Variants in XXYLT1 observed in about 807,000 individuals in gnomAD.
XXYLT1 encodes xyloside xylosyltransferase 1.
In XXYLT1, 20 loss-of-function variants were observed where a neutral mutation model predicts 28.9. The ratio of observed to expected loss-of-function variants is 0.69; its 90% CI spans 0.49 to 1.00. The LOEUF (loss-of-function observed/expected upper bound fraction) is 1.00, where lower values mean the gene tolerates loss of function less well. Ranked by LOEUF, XXYLT1 falls within the 50% of genes least tolerant of loss-of-function variation. The probability of loss-of-function intolerance (pLI) is 0.00; values close to 1 mark genes in which losing one functional copy is unlikely to be tolerated. For missense variants in XXYLT1, 542 were observed against 560.1 expected, an observed-to-expected ratio of 0.97 and a Z score of 0.33; for synonymous variants, 257 against 253.8, an observed-to-expected ratio of 1.01 and a Z score of -0.12.
intron 2 of XXYLT1, among the ~76,000 whole-genome samples, chr3:195,174,772 C>T (rs1721578915): frequency 1.3e-5 from 2 of 149,406 alleles, no homozygotes; most frequent in African/African-American, 4.9e-5. Context: ...CTTTCCCTTC[C>T]TCTTCTCCTT....
chr3:195,131,054 G>A lies in XXYLT1; in HGVS notation c.785+25395C>T, dbSNP rs116691979. Among the ~76,000 whole-genome samples the A allele has an allele frequency of 6.1e-3, 923 of 150,794 alleles. 12 individuals are homozygous for A. Among genetic ancestry groups the A allele is most frequent in the African/African-American group, 0.022 (892 of 40,742 alleles). On this transcript the variant is annotated intron_variant, in intron 3 of 3. Transcript: ENST00000310380. The stretch of plus-strand genomic sequence containing the variant: ...AGGTCCCTCCTTCAATGTATCCCTC[G>A]TGCCCTCTACGGCCTATTCTCAGAA...
intron 3 of XXYLT1, among the ~76,000 whole-genome samples, chr3:195,102,145 C>T (rs1035230124): frequency 6.6e-6 from 1 of 151,912 alleles, no homozygotes; most frequent in East Asian, 1.9e-4. Context: ...TGTTTTCCAA[C>T]AGAATAGAAT....
intron 3 of XXYLT1, among the ~76,000 whole-genome samples, chr3:195,110,271 G>GT (rs1398474034): frequency 3.9e-4 from 12 of 31,078 alleles, no homozygotes; most frequent in East Asian, 4.8e-4. Flanking sequence ...GTGGGTGTGT[G>GT]GTGTGTGTGG....
rs1184077786 is a variant in XXYLT1, at chr3:195,069,852, C to T, written c.1045G>A (p.Asp349Asn). ...MEHPKLFHVL[D>N]CTWNRQLCTW... Reference sequence around the variant, plus strand: ...CACAGCTGCCGGTTCCAGGTACAGTCCAGCACATGGAAGAGCTTGGGGTGC... The same window carrying T: ...CACAGCTGCCGGTTCCAGGTACAGTTCAGCACATGGAAGAGCTTGGGGTGC... Residue 349 changes from aspartate to asparagine, a missense_variant, in exon 4 of 4, where the codon GAC (aspartate) becomes AAC (asparagine). Coordinates refer to ENST00000310380, the MANE Select transcript of XXYLT1 (RefSeq NM_152531.5). 1 of 1,614,196 alleles carries T rather than the reference C, an allele frequency of 6.2e-7. No homozygotes were observed. The highest frequency in any genetic ancestry group is 1.7e-5 in the Admixed American group (1 of 60,030).
intron 2 of XXYLT1, chr3:195,175,763 C>CTGCTCCCCTGGAAGCCACA: frequency 6.6e-7 from 1 of 1,523,002 alleles, no homozygotes; most frequent in Non-Finnish European, 8.8e-7. Flanking sequence ...GCCTCAGCCA[C>CTGCTCCCCTGGAAGCCACA]TGCTCCCCTG....
At chr3:195,119,102 C>A (rs1718200553) in intron 3 of XXYLT1, among the ~76,000 whole-genome samples, 2 of 151,606 alleles carry the variant, frequency 1.3e-5, no homozygotes, top group Admixed American at 1.3e-4. Flanking sequence ...ATGGTGAAAC[C>A]CTGTCTCTAC....
intron 2 of XXYLT1, among the ~76,000 whole-genome samples, chr3:195,164,264 T>C (rs146490468): frequency 6.5e-4 from 99 of 152,346 alleles, no homozygotes; most frequent in African/African-American, 2.3e-3. Flanking sequence ...TCCATGTCAC[T>C]GGCCCCACAT....
chr3:195,221,412 G>C (rs1213924660), intron 2 of XXYLT1, among the ~76,000 whole-genome samples: 1 of 152,236 alleles, frequency 6.6e-6, no homozygotes, highest in Non-Finnish European at 1.5e-5. Flanking sequence ...ACCCAGGGTG[G>C]CCAGCACCAT....
intron 3 of XXYLT1, among the ~76,000 whole-genome samples, chr3:195,113,126 GCA>G (rs1483359284): frequency 1.3e-5 from 2 of 152,170 alleles, no homozygotes; most frequent in African/African-American, 4.8e-5. Context: ...AGGAGCCCTC[GCA>G]CAGAGCCTGG....
chr3:195,145,594 G>A (rs1380138099), intron 3 of XXYLT1, among the ~76,000 whole-genome samples: 1 of 142,248 alleles, frequency 7.0e-6, no homozygotes, highest in African/African-American at 3.0e-5. Flanking sequence ...GGGGCCCTGC[G>A]AGCATCTCTG....
intron 1 of XXYLT1, among the ~76,000 whole-genome samples, chr3:195,260,642 C>T (rs1341463903): frequency 1.3e-5 from 2 of 152,212 alleles, no homozygotes; most frequent in Non-Finnish European, 2.9e-5. Flanking sequence ...GGGTGGGCTA[C>T]CTCTCAACCG....
chr3:195,122,262 A>T, intron 3 of XXYLT1: 1 of 679,802 alleles, frequency 1.5e-6, no homozygotes, highest in Non-Finnish European at 2.7e-6. Flanking sequence ...ATTTCAACAC[A>T]TGAATTTTGG....
At chr3:195,187,106 C>T (rs1211378848) in intron 2 of XXYLT1, among the ~76,000 whole-genome samples, 5 of 150,846 alleles carry the variant, frequency 3.3e-5, no homozygotes, top group South Asian at 2.1e-4. Flanking sequence ...GGCGTGGTGG[C>T]GGGCGCCTGT....
intron 3 of XXYLT1, among the ~76,000 whole-genome samples, chr3:195,098,636 G>C (rs771250901): frequency 1.1e-4 from 16 of 152,256 alleles, no homozygotes; most frequent in Non-Finnish European, 2.1e-4. Flanking sequence ...TGGCAGAGGA[G>C]GTGAAGCCAC....
rs1398793258 is a variant in XXYLT1 at position 195,115,640 on chromosome 3, G to C, written c.785+40809C>G. Among the ~76,000 whole-genome samples, 1 of 152,202 alleles carries C rather than the reference G, an allele frequency of 6.6e-6. No individual in the cohort carries two copies. The highest frequency in any genetic ancestry group is 1.5e-5 in the Non-Finnish European group (1 of 68,030). ...TGGAAAGCACAGCTATTTACAGGAC[G>C]ACTCCCTTCATCTGGTGCGGAGCAG... On this transcript the variant is annotated intron_variant, in intron 3 of 3. Transcript: ENST00000310380. The surrounding 1 kb of genome is among the most constrained non-coding windows in gnomAD (Gnocchi z 4.2).
intron 2 of XXYLT1, among the ~76,000 whole-genome samples, chr3:195,224,263 C>T (rs1268608251): frequency 6.6e-6 from 1 of 152,216 alleles, no homozygotes; most frequent in African/African-American, 2.4e-5. Context: ...ATAACTCCTT[C>T]CCCACCTCCT....
intron 3 of XXYLT1, among the ~76,000 whole-genome samples, chr3:195,072,646 G>C (rs1576993072): frequency 6.6e-6 from 1 of 152,204 alleles, no homozygotes; most frequent in Non-Finnish European, 1.5e-5. Flanking sequence ...GAGAAGGAAA[G>C]GAGGGACAGG....
chr3:195,172,002 G>A (rs1012232285), intron 2 of XXYLT1, among the ~76,000 whole-genome samples: 1 of 152,176 alleles, frequency 6.6e-6, no homozygotes, highest in African/African-American at 2.4e-5. Flanking sequence ...CGCTGAACAC[G>A]TACCAAAAGG....
In XXYLT1 at chr3:195,195,118, T is replaced by C. The variant is rs1722572647; in HGVS notation, c.652+31591A>G. Reference sequence around the variant, plus strand: ...GGACAATGTACATAAAAATTCTCTTTAAACCATAAAACAGCAGCTGTTACT... The same window carrying C: ...GGACAATGTACATAAAAATTCTCTTCAAACCATAAAACAGCAGCTGTTACT... On this transcript the variant is annotated intron_variant, in intron 2 of 3. Coordinates refer to ENST00000310380, the MANE Select transcript of XXYLT1 (RefSeq NM_152531.5). This position sits in a 1 kb window ranked among gnomAD's most constrained non-coding sequence, Gnocchi z 4.4. 1.3e-5 allele frequency among the ~76,000 whole-genome samples: 2 copies of C among 151,854 alleles called. No individual in the cohort carries two copies. Among genetic ancestry groups the C allele is most frequent in the Admixed American group, 1.3e-4 (2 of 15,264 alleles).
Sources: allele counts gnomAD v4.1 joint callset (sites outside exome capture counted in the v4.1 genomes callset), GRCh38; gene constraint gnomAD v4.1.1; non-coding constraint Gnocchi (gnomAD v3.1); transcripts MANE v1.5; gene names NCBI Gene and HGNC (gene_info 2026-07-23, HGNC 2026-07-21).